Variants in CADM2 observed in about 807,000 individuals in gnomAD.
CADM2 encodes the protein immunoglobulin superfamily member 4D.
A neutral mutation model predicts 49.8 loss-of-function variants in CADM2; 12 were observed. The observed-to-expected ratio is 0.24, with a 90% confidence interval of 0.15 to 0.39. The LOEUF is 0.39. Among genes scored for constraint, CADM2 ranks in the 10% least tolerant of loss-of-function variants. The pLI is 1.00. For missense variants in CADM2, 378 were observed against 492.3 expected, an observed-to-expected ratio of 0.77 and a Z score of 2.20; for synonymous variants, 214 against 175.4, an observed-to-expected ratio of 1.22 and a Z score of -1.74.
chr3:86,060,140 C>T (rs1738445370), intron 8 of CADM2, among the ~76,000 whole-genome samples: 2 of 151,698 alleles, frequency 1.3e-5, no homozygotes. Context: ...CTGAATGTAT[C>T]TGAAACAAAC....
intron 1 of CADM2, among the ~76,000 whole-genome samples, chr3:85,230,156 A>T (rs1298245409): frequency 6.6e-6 from 1 of 152,146 alleles, no homozygotes; most frequent in Non-Finnish European, 1.5e-5. Context: ...AACCTACAGG[A>T]TTTATTCACA....
intron 1 of CADM2, among the ~76,000 whole-genome samples, chr3:85,338,987 G>T (rs779841098): frequency 2.6e-5 from 4 of 151,422 alleles, no homozygotes; most frequent in Non-Finnish European, 4.4e-5. Context: ...TTGAGACCAT[G>T]CATAATTTTC....
chr3:85,114,034 C>T (rs1395286286), intron 1 of CADM2, among the ~76,000 whole-genome samples: 1 of 151,752 alleles, frequency 6.6e-6, no homozygotes, highest in Non-Finnish European at 1.5e-5. Context: ...TTTGTGTGAC[C>T]TTGTTATTTT....
chr3:85,164,420 C>T (rs529828325), intron 1 of CADM2, among the ~76,000 whole-genome samples: 2 of 152,168 alleles, frequency 1.3e-5, no homozygotes, highest in East Asian at 3.9e-4. Flanking sequence ...TAAATCTTTG[C>T]TCCTATTTAG....
At chr3:85,357,267 G>A (rs2031945060) in intron 1 of CADM2, among the ~76,000 whole-genome samples, 1 of 151,988 alleles carries the variant, frequency 6.6e-6, no homozygotes, top group Non-Finnish European at 1.5e-5. Flanking sequence ...ACAAATTGCT[G>A]AAATTTCAAA....
intron 1 of CADM2, among the ~76,000 whole-genome samples, chr3:85,527,732 A>T (rs189100991): frequency 1.3e-5 from 2 of 152,200 alleles, no homozygotes; most frequent in Admixed American, 6.5e-5. Flanking sequence ...ACAATGTCGA[A>T]AAAGCAGCAT....
chr3:85,579,589 A>C (rs2062735448), intron 1 of CADM2, among the ~76,000 whole-genome samples: 1 of 152,156 alleles, frequency 6.6e-6, no homozygotes, highest in Non-Finnish European at 1.5e-5. Context: ...ATTCTGAGTA[A>C]TTACACTTAC....
intron 1 of CADM2, among the ~76,000 whole-genome samples, chr3:85,276,551 A>G (rs1310790961): frequency 6.6e-6 from 1 of 151,378 alleles, no homozygotes; most frequent in Non-Finnish European, 1.5e-5. Flanking sequence ...TTTCCCACTT[A>G]GCAAAACATA....
intron 1 of CADM2, among the ~76,000 whole-genome samples, chr3:85,567,477 T>A (rs1390750322): frequency 1.3e-5 from 2 of 152,202 alleles, no homozygotes; most frequent in Non-Finnish European, 2.9e-5. Flanking sequence ...AAGAGATTAT[T>A]TTCCCCTACA....
At chr3:84,992,146 A>T (rs997068338) in intron 1 of CADM2, among the ~76,000 whole-genome samples, 1 of 152,118 alleles carries the variant, frequency 6.6e-6, no homozygotes. Context: ...TAAACTATGG[A>T]CTCTGGTGGA....
At chr3:85,797,036 G>A (rs1007095890) in intron 2 of CADM2, among the ~76,000 whole-genome samples, 1 of 150,582 alleles carries the variant, frequency 6.6e-6, no homozygotes, top group African/African-American at 2.4e-5. Flanking sequence ...GGAGGTTGCA[G>A]TGAGCCAAGA....
At chr3:85,998,328 C>T (rs1286279533) in intron 8 of CADM2, among the ~76,000 whole-genome samples, 1 of 151,992 alleles carries the variant, frequency 6.6e-6, no homozygotes, top group South Asian at 2.1e-4. Flanking sequence ...TGACATTTCT[C>T]GTAGTTACAA....
At chr3:85,083,538 C>G (rs1211167158) in intron 1 of CADM2, among the ~76,000 whole-genome samples, 2 of 152,054 alleles carry the variant, frequency 1.3e-5, no homozygotes, top group Non-Finnish European at 2.9e-5. Flanking sequence ...AGAGACAGCT[C>G]TTAATGAAGT....
At chr3:85,382,884 C>A (rs548740532) in intron 1 of CADM2, among the ~76,000 whole-genome samples, 2 of 152,164 alleles carry the variant, frequency 1.3e-5, no homozygotes. Context: ...AAACTGCCAA[C>A]ACTTACGAGT....
intron 1 of CADM2, among the ~76,000 whole-genome samples, chr3:85,343,469 T>C (rs954238031): frequency 3.3e-5 from 5 of 152,160 alleles, no homozygotes; most frequent in African/African-American, 9.7e-5. Flanking sequence ...TACCATACTT[T>C]ACAGCATTTT....
At chr3:85,545,835 G>A (rs2107079651) in intron 1 of CADM2, among the ~76,000 whole-genome samples, 1 of 152,220 alleles carries the variant, frequency 6.6e-6, no homozygotes, top group South Asian at 2.1e-4. Context: ...TTTATGTCAG[G>A]TTGGATGAAG....
At chr3:85,897,842 G>T (rs762888477) in intron 5 of CADM2, among the ~76,000 whole-genome samples, 2 of 152,096 alleles carry the variant, frequency 1.3e-5, no homozygotes, top group Non-Finnish European at 1.5e-5. Context: ...AAACATAAAA[G>T]AAGAGGAAGA....
At chr3:85,671,965 A>G (rs1039826037) in intron 1 of CADM2, among the ~76,000 whole-genome samples, 1 of 152,150 alleles carries the variant, frequency 6.6e-6, no homozygotes, top group African/African-American at 2.4e-5. Context: ...AGGAAGTTTG[A>G]TGAGTGTAGA....
chr3:85,794,324 G>T (rs2071500581), intron 2 of CADM2, among the ~76,000 whole-genome samples: 1 of 152,182 alleles, frequency 6.6e-6, no homozygotes, highest in African/African-American at 2.4e-5. Context: ...GCCAGCCATT[G>T]TTTTAAGATG....
Sources: allele counts gnomAD v4.1 joint callset (sites outside exome capture counted in the v4.1 genomes callset), GRCh38; gene constraint gnomAD v4.1.1; transcripts MANE v1.5; gene names NCBI Gene and HGNC (gene_info 2026-07-23, HGNC 2026-07-21).